The following RCC2 variants were observed in gnomAD, a reference collection of about 807,000 sequenced individuals.
RCC2 encodes the protein regulator of chromosome condensation 2, also known as protein RCC2.
In RCC2, 19 loss-of-function variants were observed where a neutral mutation model predicts 64.1. That is an observed-to-expected ratio of 0.30 (90% CI 0.21 to 0.44). RCC2 has a LOEUF of 0.44. Among genes scored for constraint, RCC2 ranks in the 20% least tolerant of loss-of-function variants. RCC2 has a pLI of 1.00. For synonymous variants in RCC2, 325 were observed against 279.6 expected (o/e 1.16, Z -1.62); for missense variants, 508 against 710.4 (o/e 0.72, Z 3.24).
chr1:17,437,623 A>G (rs1024923461), intron 2 of RCC2, among the ~76,000 whole-genome samples: 1 of 4,988 alleles, frequency 2.0e-4, no homozygotes, highest in Non-Finnish European at 5.2e-4. Flanking sequence ...ACAAAGCCCG[A>G]GCACCGCTCA....
intron 7 of RCC2, among the ~76,000 whole-genome samples, chr1:17,417,422 C>T (rs185287054): frequency 6.6e-6 from 1 of 152,322 alleles, no homozygotes; most frequent in East Asian, 1.9e-4. Flanking sequence ...AATCCCAGCA[C>T]GTTGGGAGGC....
At chr1:17,413,460 C>G in intron 9 of RCC2, 77 bp downstream of exon 9, 1 of 1,416,708 alleles carries the variant, frequency 7.1e-7, no homozygotes. Flanking sequence ...AATTGGGGTT[C>G]GTGGTCTAGG....
chr1:17,434,458 C>G (rs548044617), intron 2 of RCC2, among the ~76,000 whole-genome samples: 3 of 152,344 alleles, frequency 2.0e-5, no homozygotes, highest in Non-Finnish European at 2.9e-5. Context: ...CACAGTGCCC[C>G]TTCTGCCACA....
chr1:17,419,162 C>A (rs559121970), intron 7 of RCC2, among the ~76,000 whole-genome samples: 1 of 152,290 alleles, frequency 6.6e-6, no homozygotes, highest in South Asian at 2.1e-4. Flanking sequence ...TGAGACCAGC[C>A]TGGTCAACAT....
At chr1:17,438,580 GA>G in intron 1 of RCC2, 58 bp from the exon 2 acceptor site, 5 of 1,271,134 alleles carry the variant, frequency 3.9e-6, no homozygotes, top group Non-Finnish European at 5.0e-6. Context: ...TGCGCGGGGG[GA>G]GGGGAGCGGA....
chr1:17,423,260 G>A (rs2075575637), intron 4 of RCC2, among the ~76,000 whole-genome samples: 1 of 152,230 alleles, frequency 6.6e-6, no homozygotes, highest in Non-Finnish European at 1.5e-5. Flanking sequence ...TGGCTCACCA[G>A]AGTTTAATCA....
chr1:17,422,060 A>G (rs779763333), intron 6 of RCC2, 143 bp downstream of exon 6: 5 of 550,616 alleles, frequency 9.1e-6, no homozygotes, highest in Admixed American at 3.1e-5. Flanking sequence ...ACAAACAAAA[A>G]AACTCTACAG....
chr1:17,428,134 T>C (rs920499382), intron 3 of RCC2, among the ~76,000 whole-genome samples: 2 of 152,232 alleles, frequency 1.3e-5, no homozygotes, highest in Admixed American at 6.5e-5. Flanking sequence ...GGCTTCTGTA[T>C]CTTCAATGTC....
chr1:17,433,246 CTTTCT>C (rs1285009784), intron 2 of RCC2, among the ~76,000 whole-genome samples: 14 of 152,206 alleles, frequency 9.2e-5, no homozygotes, highest in East Asian at 1.9e-4. Flanking sequence ...CTCTAAGCTG[CTTTCT>C]TTTATTTCTC....
At chr1:17,439,257 G>C (rs1036395825) in intron 1 of RCC2, among the ~76,000 whole-genome samples, 1 of 150,130 alleles carries the variant, frequency 6.7e-6, no homozygotes, top group Non-Finnish European at 1.5e-5. Flanking sequence ...CGGCCCGGCC[G>C]GTCTCCGATT....
chr1:17,431,598 T>G (rs1334431409), intron 2 of RCC2, among the ~76,000 whole-genome samples: 1 of 150,588 alleles, frequency 6.6e-6, no homozygotes, highest in Non-Finnish European at 1.5e-5. Context: ...CCCATGGGTA[T>G]GCTTTGGCAG....
In RCC2 at chr1:17,413,452, T is replaced by C. The variant is rs1033251734; in HGVS notation, c.1207+85A>G. ...AAAGAACACTGGGAGGTAAAGAGAA[T>C]TGGGGTTCGTGGTCTAGGGACAGGA... is the stretch of plus-strand genomic sequence containing the variant. On this transcript the variant is annotated intron_variant, in intron 9 of 12. Transcript: ENST00000375436. 11 of 1,344,640 alleles carry C rather than the reference T, an allele frequency of 8.2e-6. No individual in the cohort carries two copies. In the African/African-American group the frequency reaches 1.5e-4, roughly 18 times the overall value. 83.3% of individuals were successfully genotyped at this position (1,344,640 alleles called of 1,614,324 possible).
intron 11 of RCC2, among the ~76,000 whole-genome samples, chr1:17,410,720 T>A (rs926052209): frequency 2.6e-5 from 4 of 152,042 alleles, no homozygotes; most frequent in Non-Finnish European, 2.9e-5. Context: ...TGCCCACATG[T>A]CCCTGGTTTC....
chr1:17,420,863 T>A (rs201195434), intron 6 of RCC2, 35 bp from the exon 7 acceptor site: 3 of 1,353,678 alleles, frequency 2.2e-6, no homozygotes, highest in African/African-American at 1.5e-5. Flanking sequence ...TCATTTTTTT[T>A]AAAGACTGAT....
In RCC2 at chr1:17,422,754, T is replaced by G. The variant is rs2100373243; in HGVS notation, c.606A>C (p.Glu202Asp). Residue 202 changes from glutamate (E) to aspartate (D), a missense_variant, in exon 5 of 13, where the codon GAA becomes GAC. Transcript: ENST00000375436. ...GCCCACATGCTGCAGACACAATCACTTCGTGGCTAAGACCCTCGATGAGTC... is the reference window on the plus strand; with the variant it reads ...GCCCACATGCTGCAGACACAATCACGTCGTGGCTAAGACCCTCGATGAGTC... ...APRLIEGLSH[E>D]VIVSAACGRN... is the part of the protein sequence containing the mutation. 1.2e-6 allele frequency: 2 copies of G among 1,614,080 alleles called. No individual in the cohort carries two copies. Among genetic ancestry groups the G allele is most frequent in the East Asian group, 4.5e-5 (2 of 44,856 alleles).
chr1:17,435,536 A>C (rs528420681), intron 2 of RCC2, among the ~76,000 whole-genome samples: 29 of 152,338 alleles, frequency 1.9e-4, no homozygotes, highest in South Asian at 4.1e-4. Flanking sequence ...GGCCAGGGAG[A>C]CTGGGCAGGA....
chr1:17,420,419 A>AC (rs2075543393), intron 7 of RCC2, among the ~76,000 whole-genome samples: 1 of 151,644 alleles, frequency 6.6e-6, no homozygotes, highest in Non-Finnish European at 1.5e-5. Context: ...AGGTGGTCTG[A>AC]TTTTTTTTTA....
intron 7 of RCC2, among the ~76,000 whole-genome samples, chr1:17,420,188 C>G (rs967457691): frequency 6.6e-6 from 1 of 152,222 alleles, no homozygotes; most frequent in African/African-American, 2.4e-5. Flanking sequence ...TAACTGAGAA[C>G]TGATGCCTGA....
chr1:17,437,754 C>G (rs1320398762), intron 2 of RCC2, among the ~76,000 whole-genome samples: 1 of 2,806 alleles, frequency 3.6e-4, no homozygotes, highest in East Asian at 8.1e-3. Context: ...CCGGCGCAAA[C>G]GGCCGCTCCC....
Sources: gnomAD v4.1 joint callset for allele counts (sites outside exome capture counted in the v4.1 genomes callset) on GRCh38, gnomAD v4.1.1 for gene constraint, MANE v1.5 for transcripts, NCBI Gene and HGNC (gene_info 2026-07-23, HGNC 2026-07-21) for gene names.